The following GTF2A1L variants were observed in gnomAD, a reference collection of about 807,000 sequenced individuals.
The protein encoded by GTF2A1L is TFIIA-alpha and beta-like factor.
GTF2A1L carries 48 observed loss-of-function variants against 49.7 expected under a neutral mutation model. The ratio of observed to expected loss-of-function variants is 0.97; its 90% CI spans 0.77 to 1.23. GTF2A1L has a LOEUF of 1.23. Among genes scored for constraint, GTF2A1L ranks in the 50% most tolerant of loss-of-function variants. The pLI is 0.00. For missense variants in GTF2A1L, 736 were observed against 564.8 expected (o/e 1.30, Z -3.07); for synonymous variants, 246 against 193.5 (o/e 1.27, Z -2.25).
chr2:48,654,485 C>A (rs1448754547), intron 6 of GTF2A1L, among the ~76,000 whole-genome samples: 1 of 151,876 alleles, frequency 6.6e-6, no homozygotes, highest in Non-Finnish European at 1.5e-5. Flanking sequence ...TGGGTTCAAG[C>A]GATTCTCCTG....
chr2:48,634,861 G>A (rs918479038), intron 3 of GTF2A1L, among the ~76,000 whole-genome samples: 2 of 152,132 alleles, frequency 1.3e-5, no homozygotes, highest in Non-Finnish European at 2.9e-5. Context: ...GACAGTCTGG[G>A]AGGGCAGGGG....
intron 7 of GTF2A1L, 40 bp downstream of exon 7, chr2:48,670,022 T>C (rs2104304243): frequency 6.4e-7 from 1 of 1,564,948 alleles, no homozygotes; most frequent in Middle Eastern, 1.7e-4. Context: ...TTTATTAATT[T>C]ATAACATTTC....
intron 6 of GTF2A1L, among the ~76,000 whole-genome samples, chr2:48,667,125 T>G (rs987432797): frequency 2.0e-5 from 3 of 151,170 alleles, no homozygotes; most frequent in Admixed American, 6.6e-5. Context: ...ATTTTTTTTT[T>G]TTTTTGTATT....
intron 3 of GTF2A1L, among the ~76,000 whole-genome samples, chr2:48,626,838 T>C (rs1676322166): frequency 6.9e-6 from 1 of 144,828 alleles, no homozygotes; most frequent in Non-Finnish European, 1.6e-5. Context: ...CCTCCTAGAG[T>C]GTGCATATCT....
intron 3 of GTF2A1L, among the ~76,000 whole-genome samples, chr2:48,631,009 G>T (rs1223842355): frequency 6.6e-6 from 1 of 152,114 alleles, no homozygotes; most frequent in Non-Finnish European, 1.5e-5. Context: ...TGAGCTGCTG[G>T]GTTCAGTTTG....
chr2:48,620,073 C>G (rs964008884), intron 1 of GTF2A1L, among the ~76,000 whole-genome samples: 5 of 152,164 alleles, frequency 3.3e-5, no homozygotes, highest in African/African-American at 1.2e-4. Context: ...CCCCAGTTTT[C>G]TGGCTTGGAG....
chr2:48,657,275 C>T (rs1050736480), intron 6 of GTF2A1L, among the ~76,000 whole-genome samples: 4 of 152,080 alleles, frequency 2.6e-5, no homozygotes, highest in Admixed American at 6.6e-5. Context: ...TTTTTGGAGT[C>T]CCCAATGTCT....
In GTF2A1L at chr2:48,621,337, A is replaced by G. The variant is rs369527689; in HGVS notation, c.247+47A>G. The G allele has an allele frequency of 1.8e-5, 29 of 1,612,294 alleles. No homozygotes were observed. In the African/African-American group the frequency reaches 3.5e-4, roughly 19 times the overall value. ...AGTACTGTTAGTATCTTCAGAACAA[A>G]TTCTCATTTGGGAATGTTTTTCAGT... On this transcript the variant is annotated intron_variant, in intron 3 of 8. Coordinates refer to ENST00000403751, the MANE Select transcript of GTF2A1L (RefSeq NM_006872.5).
intron 6 of GTF2A1L, among the ~76,000 whole-genome samples, chr2:48,655,897 C>G (rs900659804): frequency 1.3e-5 from 2 of 152,138 alleles, no homozygotes; most frequent in East Asian, 1.9e-4. Flanking sequence ...CTTTCCATCT[C>G]TATGAATTTG....
intron 1 of GTF2A1L, among the ~76,000 whole-genome samples, chr2:48,619,596 C>A (rs973576904): frequency 6.6e-6 from 1 of 151,954 alleles, no homozygotes; most frequent in Non-Finnish European, 1.5e-5. Context: ...AAAAGGCAAT[C>A]CTAGAGTGCC....
chr2:48,639,486 GGC>G (rs1329831154), intron 3 of GTF2A1L, among the ~76,000 whole-genome samples: 1 of 152,144 alleles, frequency 6.6e-6, no homozygotes, highest in Non-Finnish European at 1.5e-5. Context: ...TGGGATAACT[GGC>G]TAGCCATATG....
intron 8 of GTF2A1L, among the ~76,000 whole-genome samples, chr2:48,676,066 A>G (rs941220503): frequency 1.3e-5 from 2 of 151,958 alleles, no homozygotes; most frequent in Non-Finnish European, 2.9e-5. Flanking sequence ...TAGTTATATT[A>G]GTTTTCATCG....
intron 3 of GTF2A1L, among the ~76,000 whole-genome samples, chr2:48,628,092 T>C (rs1676387544): frequency 6.9e-6 from 1 of 144,356 alleles, no homozygotes; most frequent in Admixed American, 7.0e-5. Context: ...TTCCATGGTG[T>C]ATATATACCA....
At chr2:48,652,767 G>A (rs1475085570) in intron 6 of GTF2A1L, among the ~76,000 whole-genome samples, 1 of 146,014 alleles carries the variant, frequency 6.8e-6, no homozygotes, top group East Asian at 2.2e-4. Context: ...TGATCTCGGC[G>A]CACTGCAACC....
At chr2:48,651,546 A>G (rs1456454934) in intron 6 of GTF2A1L, among the ~76,000 whole-genome samples, 2 of 151,954 alleles carry the variant, frequency 1.3e-5, no homozygotes, top group African/African-American at 2.4e-5. Flanking sequence ...TGCTTGGCAA[A>G]CATGGTTTTG....
At chr2:48,668,468 A>G (rs542174767) in intron 6 of GTF2A1L, 58 of 152,276 alleles carry the variant, frequency 3.8e-4, no homozygotes, top group African/African-American at 1.3e-3. Context: ...TTGACATTTT[A>G]TTGATCTTTG....
chr2:48,623,266 T>A (rs934870738), intron 3 of GTF2A1L, among the ~76,000 whole-genome samples: 1 of 152,188 alleles, frequency 6.6e-6, no homozygotes, highest in African/African-American at 2.4e-5. Flanking sequence ...ACTTCTAGAA[T>A]TTTTTTATCT....
chr2:48,669,210 C>A lies in GTF2A1L; in HGVS notation c.979-512C>A, dbSNP rs149809156. 1.0e-3 allele frequency among the ~76,000 whole-genome samples: 152 copies of A among 152,232 alleles called. 1 individual carries two copies. The Middle Eastern group carries it at 0.01, about 10-fold the overall frequency. On this transcript the variant is annotated intron_variant, in intron 6 of 8. Coordinates refer to ENST00000403751, the MANE Select transcript of GTF2A1L (RefSeq NM_006872.5). The stretch of plus-strand genomic sequence containing the variant: ...TTCCCCTCTTCATATCCCCTAGTAA[C>A]CTCGATTTTACTTTCTGTTTCTATG...
At chr2:48,621,447 A>G in intron 3 of GTF2A1L, 157 bp downstream of exon 3, 1 of 950,234 alleles carries the variant, frequency 1.1e-6, no homozygotes, top group Non-Finnish European at 1.4e-6. Context: ...TCATTGCCCC[A>G]TGTAATTATT....
Sources: allele counts gnomAD v4.1 joint callset (sites outside exome capture counted in the v4.1 genomes callset), GRCh38; gene constraint gnomAD v4.1.1; transcripts MANE v1.5; gene names NCBI Gene and HGNC (gene_info 2026-07-23, HGNC 2026-07-21).